DCAF7: variants seen among roughly 807,000 people sequenced by gnomAD.
DCAF7 encodes the protein DDB1- and CUL4-associated factor 7.
DCAF7 carries 4 observed loss-of-function variants against 41.2 expected under a neutral mutation model. The observed-to-expected ratio is 0.10, with a 90% CI of 0.05 to 0.22. The LOEUF (loss-of-function observed/expected upper bound fraction) is 0.22. Ranked by LOEUF, DCAF7 falls within the 10% of genes least tolerant of loss-of-function variation. DCAF7 has a pLI of 1.00. For missense variants in DCAF7, 131 were observed against 443.2 expected, an observed-to-expected ratio of 0.30 and a Z score of 6.32; for synonymous variants, 143 against 164.2, an observed-to-expected ratio of 0.87 and a Z score of 0.99.
chr17:63,582,394 G>A (rs1245165356), intron 4 of DCAF7, among the ~76,000 whole-genome samples: 1 of 151,842 alleles, frequency 6.6e-6, no homozygotes, highest in Non-Finnish European at 1.5e-5. Flanking sequence ...CAGAAGATGA[G>A]TTTTGTTTGG....
intron 1 of DCAF7, among the ~76,000 whole-genome samples, chr17:63,559,457 A>AGT (rs2033356613): frequency 1.5e-5 from 2 of 137,606 alleles, no homozygotes; most frequent in African/African-American, 2.8e-5. Context: ...ATATATATAT[A>AGT]TTTTTAATAA....
chr17:63,593,505 T>G lies in DCAF7; in HGVS notation c.*4333T>G, dbSNP rs1019289864. The stretch of plus-strand genomic sequence containing the variant: ...AGAAACAAATAAGCTAAAGAAAGTT[T>G]AAACTCAAGAAGAAAGATGTTGACA... On this transcript the variant is annotated 3_prime_UTR_variant, in exon 7 of 7. Transcript: ENST00000614556. 4.6e-5 allele frequency: 7 copies of G among 152,666 alleles called. No individual in the cohort carries two copies. The highest frequency in any genetic ancestry group is 1.7e-4 in the African/African-American group (7 of 41,468). The allele number at this position is 152,666 out of a possible 1,614,324, so 9.5% of individuals were successfully genotyped here.
At chr17:63,553,163 TAATA>T (rs2033275374) in intron 1 of DCAF7, among the ~76,000 whole-genome samples, 1 of 152,236 alleles carries the variant, frequency 6.6e-6, no homozygotes. Flanking sequence ...TATGTACTTT[TAATA>T]AATTAACTTA....
intron 1 of DCAF7, among the ~76,000 whole-genome samples, chr17:63,565,165 C>T (rs117550747): frequency 1.7e-3 from 254 of 152,256 alleles, no homozygotes; most frequent in Non-Finnish European, 3.1e-3. Context: ...CCTTACAAAT[C>T]AATAAGAAAG....
chr17:63,563,408 G>A (rs1159500540), intron 1 of DCAF7, among the ~76,000 whole-genome samples: 1 of 152,186 alleles, frequency 6.6e-6, no homozygotes, highest in African/African-American at 2.4e-5. Context: ...AGTTGCTACA[G>A]TCTATTTGAA....
chr17:63,555,601 A>G (rs1416694900), intron 1 of DCAF7, among the ~76,000 whole-genome samples: 2 of 152,274 alleles, frequency 1.3e-5, no homozygotes, highest in East Asian at 1.9e-4. Context: ...TTTAGGCACA[A>G]TGTGTTTTGG....
intron 1 of DCAF7, among the ~76,000 whole-genome samples, chr17:63,566,312 AG>A (rs767424925): frequency 1.3e-5 from 2 of 151,766 alleles, no homozygotes; most frequent in Admixed American, 6.6e-5. Context: ...CGGAACTTAG[AG>A]TGAGCAGAGA....
chr17:63,578,375 A>G (rs909504984), intron 1 of DCAF7, 95 bp from the exon 2 acceptor site: 2 of 1,550,958 alleles, frequency 1.3e-6, no homozygotes, highest in African/African-American at 2.8e-5. Flanking sequence ...AAAACAAAAA[A>G]CAAACAAAAA....
intron 1 of DCAF7, among the ~76,000 whole-genome samples, chr17:63,566,678 T>C (rs891020837): frequency 1.3e-5 from 2 of 152,170 alleles, no homozygotes; most frequent in Non-Finnish European, 2.9e-5. Flanking sequence ...CCCAGCAATA[T>C]GGGAGGCCAG....
chr17:63,562,511 TTC>T (rs2033393437), intron 1 of DCAF7, among the ~76,000 whole-genome samples: 1 of 151,878 alleles, frequency 6.6e-6, no homozygotes, highest in Non-Finnish European at 1.5e-5. Flanking sequence ...AGAAAATATT[TTC>T]TTTTTTTATT....
intron 1 of DCAF7, among the ~76,000 whole-genome samples, chr17:63,574,754 CT>C (rs1191584426): frequency 3.3e-5 from 5 of 152,166 alleles, no homozygotes; most frequent in Non-Finnish European, 7.3e-5. Flanking sequence ...GGGTGGATCA[CT>C]TGAGCCCAGG....
intron 1 of DCAF7, among the ~76,000 whole-genome samples, chr17:63,566,448 G>A (rs142672011): frequency 1.3e-5 from 2 of 151,858 alleles, no homozygotes; most frequent in African/African-American, 4.8e-5. Context: ...AAATAAATGA[G>A]TAAGAGTAGT....
In DCAF7 at chr17:63,561,627, G is replaced by T. The variant is rs187049296; in HGVS notation, c.138+10812G>T. Among the ~76,000 whole-genome samples the T allele has an allele frequency of 4.2e-3, 637 of 152,198 alleles. 5 individuals are homozygous for T. Among genetic ancestry groups the T allele is most frequent in the African/African-American group, 0.014 (588 of 41,510 alleles). On this transcript the variant is annotated intron_variant, in intron 1 of 6. Coordinates refer to ENST00000614556, the MANE Select transcript of DCAF7 (RefSeq NM_005828.5). ...TCAGCTACTTGGGAGGGTGAGGTGG[G>T]AGGATCGCTTGAGCCCAGAAGGCAG... is the stretch of plus-strand genomic sequence containing the variant.
intron 1 of DCAF7, among the ~76,000 whole-genome samples, chr17:63,552,086 AAAG>A (rs942797934): frequency 2.6e-5 from 4 of 151,848 alleles, no homozygotes; most frequent in Non-Finnish European, 2.9e-5. Context: ...TCAGAAAAAA[AAAG>A]AAGAATAAAA....
intron 1 of DCAF7, among the ~76,000 whole-genome samples, chr17:63,572,937 A>G (rs1339908315): frequency 6.6e-6 from 1 of 151,864 alleles, no homozygotes; most frequent in African/African-American, 2.4e-5. Context: ...TAATTTTTGT[A>G]TTTTTTGTAG....
At chr17:63,569,095 A>G (rs1477000742) in intron 1 of DCAF7, among the ~76,000 whole-genome samples, 1 of 152,212 alleles carries the variant, frequency 6.6e-6, no homozygotes, top group Middle Eastern at 3.2e-3. Flanking sequence ...TCCCATTACC[A>G]GAAATTCTGG....
intron 1 of DCAF7, among the ~76,000 whole-genome samples, chr17:63,565,890 C>T (rs2033434899): frequency 6.6e-6 from 1 of 152,094 alleles, no homozygotes; most frequent in Admixed American, 6.5e-5. Context: ...CACTTGAGGT[C>T]AGGAGTTCGA....
intron 4 of DCAF7, among the ~76,000 whole-genome samples, chr17:63,580,580 G>T (rs780276089): frequency 4.4e-5 from 6 of 137,044 alleles, no homozygotes; most frequent in Non-Finnish European, 7.7e-5. Context: ...GTGCAATGGC[G>T]CAATCTGGGC....
intron 1 of DCAF7, among the ~76,000 whole-genome samples, chr17:63,565,892 G>A (rs2147765600): frequency 6.6e-6 from 1 of 152,198 alleles, no homozygotes; most frequent in South Asian, 2.1e-4. Context: ...CTTGAGGTCA[G>A]GAGTTCGAGA....
Sources: allele counts gnomAD v4.1 joint callset (sites outside exome capture counted in the v4.1 genomes callset), GRCh38; gene constraint gnomAD v4.1.1; transcripts MANE v1.5; gene names NCBI Gene and HGNC (gene_info 2026-07-23, HGNC 2026-07-21).